CSMD3: variants seen among roughly 807,000 people sequenced by gnomAD.
CSMD3 encodes CUB and Sushi multiple domains 3, also known as CUB and sushi domain-containing protein 3.
A neutral mutation model predicts 435.2 loss-of-function variants in CSMD3; 177 were observed. That is an observed-to-expected ratio of 0.41 (90% CI 0.36 to 0.46). The LOEUF is 0.46. Ranked by LOEUF, CSMD3 falls within the 20% of genes least tolerant of loss-of-function variation. The pLI, the probability that CSMD3 is intolerant of heterozygous loss-of-function variation, is 0.34. For missense variants in CSMD3, 4,265 were observed against 4,504.6 expected, an observed-to-expected ratio of 0.95 and a Z score of 1.52; for synonymous variants, 1,656 against 1,520.5, an observed-to-expected ratio of 1.09 and a Z score of -2.07.
intron 14 of CSMD3, among the ~76,000 whole-genome samples, chr8:112,688,927 T>A (rs1001084156): frequency 6.6e-6 from 1 of 152,182 alleles, no homozygotes; most frequent in Non-Finnish European, 1.5e-5. Context: ...TGATGTGATA[T>A]ATTACACTAA....
At chr8:113,360,722 C>T (rs1316154653) in intron 1 of CSMD3, among the ~76,000 whole-genome samples, 1 of 151,444 alleles carries the variant, frequency 6.6e-6, no homozygotes, top group East Asian at 1.9e-4. Flanking sequence ...TACAGGCGCC[C>T]GCTACCACGC....
intron 1 of CSMD3, among the ~76,000 whole-genome samples, chr8:113,355,749 T>TATATATATATATATATAC (rs1357514892): frequency 4.9e-5 from 4 of 81,322 alleles, no homozygotes; most frequent in Non-Finnish European, 8.8e-5. Flanking sequence ...TATATATATA[T>TATATATATATATATATAC]ACACACACAC....
chr8:112,359,926 T>A (rs1396000252), intron 38 of CSMD3, among the ~76,000 whole-genome samples: 2 of 152,060 alleles, frequency 1.3e-5, no homozygotes, highest in Non-Finnish European at 2.9e-5. Context: ...ACAACTTTCT[T>A]CTCCAACTAG....
chr8:112,601,356 C>A (rs188535267), intron 22 of CSMD3, among the ~76,000 whole-genome samples: 1 of 152,122 alleles, frequency 6.6e-6, no homozygotes, highest in East Asian at 1.9e-4. Flanking sequence ...TGCCCAAGAT[C>A]ACATAATGGG....
chr8:112,475,245 A>G (rs570441194), intron 31 of CSMD3, among the ~76,000 whole-genome samples: 33 of 152,306 alleles, frequency 2.2e-4, no homozygotes, highest in African/African-American at 7.7e-4. Flanking sequence ...GCCATCCTAC[A>G]TTAACACGTG....
chr8:112,256,666 G>A (rs1815831603), intron 61 of CSMD3, among the ~76,000 whole-genome samples: 2 of 152,236 alleles, frequency 1.3e-5, no homozygotes, highest in African/African-American at 2.4e-5. Context: ...TGTTTTTATT[G>A]TGGCAAAGAA....
At chr8:112,623,304 A>G (rs1357967226) in intron 22 of CSMD3, among the ~76,000 whole-genome samples, 5 of 152,064 alleles carry the variant, frequency 3.3e-5, no homozygotes. Flanking sequence ...GCCTAGCGGG[A>G]CTTTCTCATC....
At chr8:112,233,663 T>C (rs1813298838) in intron 68 of CSMD3, among the ~76,000 whole-genome samples, 1 of 152,108 alleles carries the variant, frequency 6.6e-6, no homozygotes, top group African/African-American at 2.4e-5. Context: ...TCTTTCCCAT[T>C]AAGTTTTCCT....
At chr8:112,531,806 C>T (rs894870392) in intron 27 of CSMD3, among the ~76,000 whole-genome samples, 2 of 151,990 alleles carry the variant, frequency 1.3e-5, no homozygotes, top group South Asian at 2.1e-4. Flanking sequence ...CTGAAATGCC[C>T]AGACATTGAT....
chr8:112,673,106 T>C (rs1398400126), intron 16 of CSMD3, among the ~76,000 whole-genome samples: 2 of 151,764 alleles, frequency 1.3e-5, no homozygotes, highest in Admixed American at 1.3e-4. Flanking sequence ...TTCTGTGGAG[T>C]TGTTCTTGAT....
chr8:112,840,983 T>C (rs1350735477), intron 11 of CSMD3, among the ~76,000 whole-genome samples: 1 of 151,594 alleles, frequency 6.6e-6, no homozygotes, highest in African/African-American at 2.4e-5. Flanking sequence ...TTAAAAAATA[T>C]ATAATAATCT....
intron 10 of CSMD3, among the ~76,000 whole-genome samples, chr8:112,910,170 T>C (rs1294883183): frequency 6.6e-6 from 1 of 151,742 alleles, no homozygotes; most frequent in Non-Finnish European, 1.5e-5. Flanking sequence ...TAACCTAGGA[T>C]GGGAGTTAGG....
intron 38 of CSMD3, among the ~76,000 whole-genome samples, chr8:112,380,133 TACTC>T (rs1483086428): frequency 6.6e-6 from 1 of 152,198 alleles, no homozygotes; most frequent in African/African-American, 2.4e-5. Flanking sequence ...TAATTATTCT[TACTC>T]AACAACAAAA....
At chr8:113,037,566 T>C (rs1170046986) in intron 5 of CSMD3, among the ~76,000 whole-genome samples, 1 of 152,166 alleles carries the variant, frequency 6.6e-6, no homozygotes, top group Non-Finnish European at 1.5e-5. Context: ...TCCCAGTATG[T>C]TGTACTACAT....
At chr8:112,789,765 T>C (rs565875615) in intron 13 of CSMD3, among the ~76,000 whole-genome samples, 5 of 152,092 alleles carry the variant, frequency 3.3e-5, no homozygotes, top group South Asian at 2.1e-4. Flanking sequence ...TCCCACTAAA[T>C]TGGATTTCAC....
At chr8:112,476,132 A>G (rs1195898443) in intron 31 of CSMD3, among the ~76,000 whole-genome samples, 1 of 151,868 alleles carries the variant, frequency 6.6e-6, no homozygotes, top group Non-Finnish European at 1.5e-5. Context: ...TGCAACCTCC[A>G]CCTCCCAGGT....
chr8:113,344,276 T>A (rs1302099424), intron 1 of CSMD3, among the ~76,000 whole-genome samples: 1 of 152,088 alleles, frequency 6.6e-6, no homozygotes, highest in Non-Finnish European at 1.5e-5. Context: ...AAAACCAAAT[T>A]TTTCTAGTAA....
intron 1 of CSMD3, among the ~76,000 whole-genome samples, chr8:113,412,607 A>G (rs1414942461): frequency 6.6e-6 from 1 of 152,132 alleles, no homozygotes; most frequent in Non-Finnish European, 1.5e-5. Flanking sequence ...GGGGAGGGTT[A>G]TTCTTTCTAA....
chr8:113,029,384 C>G (rs2086996973), intron 5 of CSMD3, among the ~76,000 whole-genome samples: 1 of 151,566 alleles, frequency 6.6e-6, no homozygotes, highest in South Asian at 2.1e-4. Flanking sequence ...TAACAAAATA[C>G]TAGCTAATCA....
Sources: gnomAD v4.1 joint callset for allele counts (sites outside exome capture counted in the v4.1 genomes callset) on GRCh38, gnomAD v4.1.1 for gene constraint, MANE v1.5 for transcripts, NCBI Gene and HGNC (gene_info 2026-07-23, HGNC 2026-07-21) for gene names.